Variants in MLXIP observed in about 807,000 individuals in gnomAD.
MLXIP encodes MLX-interacting protein.
MLXIP carries 30 observed loss-of-function variants against 87.2 expected under a neutral mutation model. The ratio of observed to expected loss-of-function variants is 0.34; its 90% CI spans 0.26 to 0.47. MLXIP has a LOEUF of 0.47. Ranked by LOEUF, MLXIP falls within the 20% of genes least tolerant of loss-of-function variation. The probability of loss-of-function intolerance (pLI) is 1.00; values close to 1 mark genes in which losing one functional copy is unlikely to be tolerated. For synonymous variants in MLXIP, 530 were observed against 514.0 expected, an observed-to-expected ratio of 1.03 and a Z score of -0.42; for missense variants, 1,002 against 1,240.1, an observed-to-expected ratio of 0.81 and a Z score of 2.88.
At chr12:122,107,127 A>G (rs750870604) in intron 1 of MLXIP, among the ~76,000 whole-genome samples, 10 of 152,122 alleles carry the variant, frequency 6.6e-5, no homozygotes, top group Non-Finnish European at 2.9e-5. Context: ...GAGGCACTTG[A>G]TAAGGGTCAC....
At chr12:122,114,760 G>C (rs1319288438) in intron 1 of MLXIP, among the ~76,000 whole-genome samples, 1 of 99,726 alleles carries the variant, frequency 1.0e-5, no homozygotes, top group Non-Finnish European at 2.3e-5. Context: ...TTTTTTGGTG[G>C]GGGGGGACAG....
chr12:122,098,898 T>C (rs1182686806), intron 1 of MLXIP, among the ~76,000 whole-genome samples: 1 of 152,232 alleles, frequency 6.6e-6, no homozygotes, highest in Non-Finnish European at 1.5e-5. Context: ...TTTGCCTCCC[T>C]GCTCAGCAGG....
At chr12:122,096,839 C>T (rs1351548010) in intron 1 of MLXIP, among the ~76,000 whole-genome samples, 1 of 152,156 alleles carries the variant, frequency 6.6e-6, no homozygotes, top group African/African-American at 2.4e-5. Context: ...GAGCAAGGCT[C>T]TGTGAAAGTT....
chr12:122,126,755 C>T (rs539075769), intron 1 of MLXIP, among the ~76,000 whole-genome samples: 4 of 152,274 alleles, frequency 2.6e-5, no homozygotes, highest in Middle Eastern at 3.4e-3. Flanking sequence ...ATGCTGCCAC[C>T]GCACACACCA....
Position 122,115,803 on chromosome 12 carries a change from A to G in MLXIP, c.414-11453A>G, listed in dbSNP as rs569149067. Reference sequence around the variant, plus strand: ...GACACCTGGGCACAGCTGTAATCCCAGTACTTCGGGAGGCTGAGGTGGGCA... The same window carrying G: ...GACACCTGGGCACAGCTGTAATCCCGGTACTTCGGGAGGCTGAGGTGGGCA... On this transcript the variant is annotated intron_variant, in intron 1 of 16. Coordinates refer to ENST00000319080, the MANE Select transcript of MLXIP (RefSeq NM_014938.6). Among the ~76,000 whole-genome samples, 6 of 152,278 alleles carry G rather than the reference A, an allele frequency of 3.9e-5. No homozygotes were observed. In the South Asian group the frequency reaches 1.2e-3, roughly 32 times the overall value.
At chr12:122,129,340 C>A in intron 4 of MLXIP, 114 bp downstream of exon 4, 3 of 1,029,912 alleles carry the variant, frequency 2.9e-6, no homozygotes, top group South Asian at 1.4e-5. Flanking sequence ...GAACGTGGAG[C>A]GTCAAGCAGT....
Position 122,135,476 on chromosome 12 carries a change from C to T in MLXIP, c.1855-13C>T. 3 of 1,609,386 alleles carry T rather than the reference C, an allele frequency of 1.9e-6. No individual in the cohort carries two copies. The highest frequency in any genetic ancestry group is 2.5e-6 in the Non-Finnish European group (3 of 1,178,200). On this transcript the variant is annotated splice_polypyrimidine_tract_variant and intron_variant, in intron 10 of 16. Coordinates refer to ENST00000319080, the MANE Select transcript of MLXIP (RefSeq NM_014938.6). The surrounding 1 kb of genome is among the most constrained non-coding windows in gnomAD (Gnocchi z 5.3). Reference sequence around the variant, plus strand: ...CAGCAGTCAGGGGTGACCTGTCTCCCATGTCACTGCAGGCTCCTGGGGTCC... The same window carrying T: ...CAGCAGTCAGGGGTGACCTGTCTCCTATGTCACTGCAGGCTCCTGGGGTCC...
At position 122,135,703 on chromosome 12, in the gene MLXIP, A is replaced by G; in HGVS notation, c.2032+37A>G. 1 of 1,457,662 alleles carries G rather than the reference A, an allele frequency of 6.9e-7. No homozygotes were observed. The highest frequency in any genetic ancestry group is 9.0e-7 in the Non-Finnish European group (1 of 1,106,568). The allele number at this position is 1,457,662 out of a possible 1,614,324, so 90.3% of individuals were successfully genotyped here. A position where few individuals can be genotyped will look rare whatever the true frequency, so the allele number is the denominator to read the frequency against. On this transcript the variant is annotated intron_variant, in intron 11 of 16. Transcript: ENST00000319080. This position sits in a 1 kb window ranked among gnomAD's most constrained non-coding sequence, Gnocchi z 5.3. ...CTCGGCGGGATGGTTGGGGCATCGC[A>G]AGGGAAGTAACTGGGCCTGCCGTAG...
intron 16 of MLXIP, 26 bp downstream of exon 16, chr12:122,141,109 G>C: frequency 6.3e-7 from 1 of 1,595,262 alleles, no homozygotes; most frequent in Non-Finnish European, 8.5e-7. Flanking sequence ...CCAGGGTGGG[G>C]GGCTTCATGC....
In MLXIP at chr12:122,103,370, G is replaced by A. The variant is rs548451761; in HGVS notation, c.414-23886G>A. On this transcript the variant is annotated intron_variant, in intron 1 of 16. Coordinates refer to ENST00000319080, the MANE Select transcript of MLXIP (RefSeq NM_014938.6). ...CTCCTAAGTAGCTGGGATTAGAGGCGCCCGCCACCATGCCCGGCTAATTTT... is the reference window on the plus strand; with the variant it reads ...CTCCTAAGTAGCTGGGATTAGAGGCACCCGCCACCATGCCCGGCTAATTTT... 1.6e-4 allele frequency among the ~76,000 whole-genome samples: 24 copies of A among 151,926 alleles called. 1 individual carries two copies. The South Asian group carries it at 3.1e-3, about 20-fold the overall frequency.
intron 1 of MLXIP, among the ~76,000 whole-genome samples, chr12:122,103,175 A>ATATGTATGTATGTATGTATG (rs199580759): frequency 1.9e-5 from 2 of 107,240 alleles, no homozygotes; most frequent in Admixed American, 9.3e-5. Flanking sequence ...GGCTAATTTT[A>ATATGTATGTATGTATGTATG]TATGTATGTA....
intron 1 of MLXIP, among the ~76,000 whole-genome samples, chr12:122,122,849 C>CTTTTCT (rs1476795107): frequency 7.0e-6 from 1 of 142,316 alleles, no homozygotes; most frequent in Non-Finnish European, 1.5e-5. Context: ...GCCCGGCCTT[C>CTTTTCT]TTTTCTTTTT....
intron 1 of MLXIP, among the ~76,000 whole-genome samples, chr12:122,106,582 G>A (rs112438147): frequency 0.019 from 2,860 of 147,508 alleles, 96 homozygotes; most frequent in African/African-American, 0.066. Flanking sequence ...AAAGCAAGAT[G>A]GAATCGCAGG....
In MLXIP at chr12:122,135,393, C is replaced by T; in HGVS notation, c.1854+48C>T. 1.2e-6 allele frequency: 2 copies of T among 1,600,960 alleles called. No homozygotes were observed. Among genetic ancestry groups the T allele is most frequent in the Non-Finnish European group, 1.7e-6 (2 of 1,172,720 alleles). On this transcript the variant is annotated intron_variant, in intron 10 of 16. Transcript: ENST00000319080. The surrounding 1 kb of genome is among the most constrained non-coding windows in gnomAD (Gnocchi z 5.3). The stretch of plus-strand genomic sequence containing the variant: ...CTGCAGTGTCCTTCTCACCCCGGAG[C>T]ACTCTGATCTTGGGCGGCCCTCACC...
chr12:122,090,969 G>A (rs1445814616), intron 1 of MLXIP, among the ~76,000 whole-genome samples: 1 of 152,060 alleles, frequency 6.6e-6, no homozygotes, highest in Admixed American at 6.6e-5. Flanking sequence ...AAGGGAAAAT[G>A]GATAGTCACT....
At chr12:122,134,975 CTCTA>C in intron 9 of MLXIP, 1 of 430,306 alleles carries the variant, frequency 2.3e-6, no homozygotes, top group Non-Finnish European at 4.3e-6. Flanking sequence ...CACCCAGCCT[CTCTA>C]TCTTTTTTTT....
Position 122,113,681 on chromosome 12 carries a change from CTTTTT to C in MLXIP, c.414-13558_414-13554del, listed in dbSNP as rs1173711241. On this transcript the variant is annotated intron_variant, in intron 1 of 16. Transcript: ENST00000319080. ...ACAGTCCATATAACTGCCTTCATTT[CTTTTT>C]TTTTTTTTTTTTTTTTGAGACGGAG... 4.4e-3 allele frequency among the ~76,000 whole-genome samples: 440 copies of C among 100,714 alleles called. 8 individuals are homozygous for C. The highest frequency in any genetic ancestry group is 3.9e-3 in the Non-Finnish European group (214 of 54,368). 66.1% of individuals were successfully genotyped at this position (100,714 alleles called of 152,430 possible).
At chr12:122,081,301 CAG>C in intron 1 of MLXIP, among the ~76,000 whole-genome samples, 1 of 152,204 alleles carries the variant, frequency 6.6e-6, no homozygotes. Flanking sequence ...GGGATCTGTC[CAG>C]TCATTTCTCA....
chr12:122,121,014 T>TTTTTTTTG (rs1555231007), intron 1 of MLXIP, among the ~76,000 whole-genome samples: 1 of 92,780 alleles, frequency 1.1e-5, no homozygotes, highest in African/African-American at 3.3e-5. Context: ...TGCTTGGTTT[T>TTTTTTTTG]TTTTTTTTTT....
Sources: allele counts gnomAD v4.1 joint callset (sites outside exome capture counted in the v4.1 genomes callset), GRCh38; gene constraint gnomAD v4.1.1; non-coding constraint Gnocchi (gnomAD v3.1); transcripts MANE v1.5; gene names NCBI Gene and HGNC (gene_info 2026-07-23, HGNC 2026-07-21).